The following MACROD2 variants were observed in gnomAD, a reference collection of about 807,000 sequenced individuals.
MACROD2 encodes mono-ADP ribosylhydrolase 2, also known as ADP-ribose glycohydrolase MACROD2.
A neutral mutation model predicts 70.4 loss-of-function variants in MACROD2; 36 were observed. That is an observed-to-expected ratio of 0.51 (90% confidence interval 0.39 to 0.68). The LOEUF (loss-of-function observed/expected upper bound fraction) is 0.68, where lower values mean the gene tolerates loss of function less well. Among genes scored for constraint, MACROD2 ranks in the 30% least tolerant of loss-of-function variants. MACROD2 has a pLI of 0.00. For synonymous variants in MACROD2, 172 were observed against 178.8 expected, an observed-to-expected ratio of 0.96 and a Z score of 0.30; for missense variants, 496 against 538.4, an observed-to-expected ratio of 0.92 and a Z score of 0.78.
chr20:14,938,255 T>C (rs1311930845), intron 5 of MACROD2, among the ~76,000 whole-genome samples: 1 of 152,112 alleles, frequency 6.6e-6, no homozygotes, highest in Admixed American at 6.6e-5. Flanking sequence ...GTTAGTTTTT[T>C]CAGGAACCTC....
chr20:14,353,084 C>A (rs2083139472), intron 3 of MACROD2, among the ~76,000 whole-genome samples: 2 of 152,034 alleles, frequency 1.3e-5, no homozygotes, highest in South Asian at 4.1e-4. Context: ...TTATGAGTGG[C>A]TTAAACAATA....
chr20:14,909,702 A>C (rs2074002866), intron 5 of MACROD2, among the ~76,000 whole-genome samples: 1 of 152,090 alleles, frequency 6.6e-6, no homozygotes, highest in Non-Finnish European at 1.5e-5. Context: ...TGAATGACCC[A>C]TTTTGATTCT....
intron 6 of MACROD2, among the ~76,000 whole-genome samples, chr20:15,380,909 T>A (rs1006666010): frequency 6.6e-5 from 10 of 152,020 alleles, no homozygotes; most frequent in Non-Finnish European, 1.5e-4. Context: ...GTCACATCAC[T>A]GAGAACAAGT....
At chr20:14,046,970 A>G (rs1764663680) in intron 2 of MACROD2, among the ~76,000 whole-genome samples, 1 of 152,138 alleles carries the variant, frequency 6.6e-6, no homozygotes, top group Admixed American at 6.5e-5. Flanking sequence ...AGGATCTTGA[A>G]CTAGACATCA....
At chr20:15,312,302 T>C (rs1053595282) in intron 6 of MACROD2, among the ~76,000 whole-genome samples, 8 of 152,230 alleles carry the variant, frequency 5.3e-5, no homozygotes, top group Non-Finnish European at 5.9e-5. Flanking sequence ...TGTTAAGATG[T>C]GATGGTGCTA....
rs141125542 is a variant in MACROD2, at chr20:14,924,305, G to A, written c.418+239346G>A. 5.3e-5 allele frequency among the ~76,000 whole-genome samples: 8 copies of A among 152,088 alleles called. No homozygotes were observed. The East Asian group carries it at 1.2e-3, about 22-fold the overall frequency. On this transcript the variant is annotated intron_variant, in intron 5 of 17. Coordinates refer to ENST00000684519, the MANE Select transcript of MACROD2 (RefSeq NM_001351661.2). ...AATACAGAAATTAGCCTGGCGTGGT[G>A]GTACACGTCTGTAATCCCAGCTACT...
At chr20:15,908,046 A>G (rs1481632008) in intron 10 of MACROD2, among the ~76,000 whole-genome samples, 1 of 152,192 alleles carries the variant, frequency 6.6e-6, no homozygotes, top group East Asian at 1.9e-4. Context: ...AATACCATAA[A>G]TATATTGCAT....
At chr20:15,191,212 A>G (rs879556436) in intron 5 of MACROD2, among the ~76,000 whole-genome samples, 3 of 152,166 alleles carry the variant, frequency 2.0e-5, no homozygotes, top group Non-Finnish European at 4.4e-5. Context: ...TTGTCCCTAC[A>G]GAGAACAGGA....
At chr20:14,063,464 C>A (rs2148656950) in intron 2 of MACROD2, among the ~76,000 whole-genome samples, 1 of 152,270 alleles carries the variant, frequency 6.6e-6, no homozygotes, top group East Asian at 1.9e-4. Flanking sequence ...TGGTTGCCAG[C>A]AATGACACAG....
At chr20:14,969,473 T>C (rs2074671118) in intron 5 of MACROD2, among the ~76,000 whole-genome samples, 1 of 151,564 alleles carries the variant, frequency 6.6e-6, no homozygotes, top group Admixed American at 6.6e-5. Flanking sequence ...CATAACAGGG[T>C]CTCAGAACAC....
chr20:15,116,154 A>G (rs1005519479), intron 5 of MACROD2, among the ~76,000 whole-genome samples: 13 of 152,280 alleles, frequency 8.5e-5, no homozygotes, highest in African/African-American at 3.1e-4. Flanking sequence ...TTGTCAGAAT[A>G]TACAAAAATT....
intron 4 of MACROD2, among the ~76,000 whole-genome samples, chr20:14,502,592 A>G (rs972978007): frequency 1.3e-5 from 2 of 152,180 alleles, no homozygotes; most frequent in Non-Finnish European, 2.9e-5. Flanking sequence ...ATGTTGTTGA[A>G]CTACAAAGTG....
chr20:15,063,201 C>T (rs2075546853), intron 5 of MACROD2, among the ~76,000 whole-genome samples: 1 of 152,086 alleles, frequency 6.6e-6, no homozygotes. Context: ...AGGACAAGGC[C>T]CTCAAAGCAA....
chr20:14,840,625 A>G (rs535109416), intron 5 of MACROD2, among the ~76,000 whole-genome samples: 9 of 152,114 alleles, frequency 5.9e-5, no homozygotes, highest in Non-Finnish European at 1.0e-4. Context: ...TACTCTTATC[A>G]GCCAGAACAA....
intron 3 of MACROD2, among the ~76,000 whole-genome samples, chr20:14,253,975 T>C (rs1033514103): frequency 6.6e-6 from 1 of 151,916 alleles, no homozygotes; most frequent in Non-Finnish European, 1.5e-5. Flanking sequence ...GACTGTCAAA[T>C]GGGAAAAGCA....
chr20:13,995,545 G>A lies in MACROD2; in HGVS notation c.-219G>A. The A allele has an allele frequency of 3.2e-6, 2 of 633,856 alleles. No homozygotes were observed. The highest frequency in any genetic ancestry group is 3.6e-5 in the South Asian group (2 of 56,040). The allele number at this position is 633,856 out of a possible 1,614,324, so 39.3% of individuals were successfully genotyped here. On this transcript the variant is annotated 5_prime_UTR_variant, in exon 1 of 18. Transcript: ENST00000684519. The surrounding 1 kb of genome is among the most constrained non-coding windows in gnomAD (Gnocchi z 4.3). The stretch of plus-strand genomic sequence containing the variant: ...GGCTCTGAGGTGCTGCTGTGGCGGC[G>A]TCCGCGGGGCTGAGGCGGGTGGGAG...
At chr20:14,893,221 C>T (rs1358811810) in intron 5 of MACROD2, 1 of 152,028 alleles carries the variant, frequency 6.6e-6, no homozygotes, top group Non-Finnish European at 1.5e-5. Context: ...GGGTTACTTC[C>T]ACCCCTTGGT....
At chr20:14,107,381 A>G (rs1007049637) in intron 3 of MACROD2, among the ~76,000 whole-genome samples, 4 of 152,168 alleles carry the variant, frequency 2.6e-5, no homozygotes, top group African/African-American at 9.7e-5. Flanking sequence ...ATAGAAAAGA[A>G]TGAAGCATGC....
At chr20:15,304,918 A>G (rs2077682775) in intron 6 of MACROD2, among the ~76,000 whole-genome samples, 1 of 152,152 alleles carries the variant, frequency 6.6e-6, no homozygotes, top group Non-Finnish European at 1.5e-5. Flanking sequence ...ACAGAAGTAA[A>G]TTTGCTTTGC....
Sources: allele counts gnomAD v4.1 joint callset (sites outside exome capture counted in the v4.1 genomes callset), GRCh38; gene constraint gnomAD v4.1.1; non-coding constraint Gnocchi (gnomAD v3.1); transcripts MANE v1.5; gene names NCBI Gene and HGNC (gene_info 2026-07-23, HGNC 2026-07-21).